AFAP1L2: variants seen among roughly 807,000 people sequenced by gnomAD.
AFAP1L2 encodes the protein actin filament associated protein 1 like 2, also known as actin filament-associated protein 1-like 2.
AFAP1L2 carries 46 observed loss-of-function variants against 99.3 expected under a neutral mutation model. The observed-to-expected ratio is 0.46, with a 90% CI of 0.37 to 0.59. AFAP1L2 has a LOEUF of 0.59. AFAP1L2 is among the 20% of genes least tolerant of loss of function. The pLI, the probability that AFAP1L2 is intolerant of heterozygous loss-of-function variation, is 0.00. For missense variants in AFAP1L2, 959 were observed against 1,034.9 expected (o/e 0.93, Z 1.01); for synonymous variants, 397 against 419.1 (o/e 0.95, Z 0.64).
chr10:114,340,874 T>C lies in AFAP1L2; in HGVS notation c.17-143A>G, dbSNP rs1359701447. 4 of 1,134,404 alleles carry C rather than the reference T, an allele frequency of 3.5e-6. No homozygotes were observed. The African/African-American group carries it at 4.6e-5, about 13-fold the overall frequency. 70.3% of individuals were successfully genotyped at this position (1,134,404 alleles called of 1,614,324 possible). ...GTTTGGTGTGAGGTCTGGCAGCGTA[T>C]GGGGGGACTGGGCAGAAGATGGGAT... On this transcript the variant is annotated intron_variant, in intron 1 of 18. Coordinates refer to ENST00000304129, the MANE Select transcript of AFAP1L2 (RefSeq NM_001001936.3).
intron 1 of AFAP1L2, among the ~76,000 whole-genome samples, chr10:114,397,815 C>T (rs145613453): frequency 4.9e-4 from 74 of 152,286 alleles, no homozygotes; most frequent in African/African-American, 1.6e-3. Flanking sequence ...TTGCAGTGTG[C>T]TGGGGCTGAG....
chr10:114,324,403 C>A (rs11196701), intron 4 of AFAP1L2, among the ~76,000 whole-genome samples: 3 of 146,234 alleles, frequency 2.1e-5, no homozygotes, highest in African/African-American at 5.2e-5. Flanking sequence ...ACCACCCCCC[C>A]CCCCCCCCCG....
intron 1 of AFAP1L2, among the ~76,000 whole-genome samples, chr10:114,347,453 A>AT (rs1333511687): frequency 2.6e-5 from 4 of 151,990 alleles, no homozygotes; most frequent in Non-Finnish European, 5.9e-5. Flanking sequence ...AGAAAGTGGG[A>AT]TTTTTTTCTT....
chr10:114,289,882 CCTT>C (rs1307478032), downstream of AFAP1L2: 12 of 332,898 alleles, frequency 3.6e-5, no homozygotes, highest in Non-Finnish European at 6.8e-5. Flanking sequence ...CTCCTCTTCA[CCTT>C]CTTAAAAGAG....
In AFAP1L2 at chr10:114,320,532, C is replaced by G. The variant is rs796613821; in HGVS notation, c.406+2639G>C. 1.2e-4 allele frequency among the ~76,000 whole-genome samples: 19 copies of G among 152,346 alleles called. No individual in the cohort carries two copies. The East Asian group carries it at 1.5e-3, about 12-fold the overall frequency. The stretch of plus-strand genomic sequence containing the variant: ...GCTTCTCCCCAAGTCATCCCCAGGC[C>G]TCTCCTTGGCAGGACAGGCAGGGCT... On this transcript the variant is annotated intron_variant, in intron 5 of 18. Coordinates refer to ENST00000304129, the MANE Select transcript of AFAP1L2 (RefSeq NM_001001936.3).
chr10:114,290,454 T>C (rs1194424908), downstream of AFAP1L2: 12 of 1,509,388 alleles, frequency 8.0e-6, 1 homozygote, highest in East Asian at 3.0e-4. Context: ...AGGCAGGTTC[T>C]AAAACATTCG....
chr10:114,288,680 G>A, the AFAP1L2 span, among the ~76,000 whole-genome samples: 3 of 152,218 alleles, frequency 2.0e-5, no homozygotes, highest in Non-Finnish European at 4.4e-5. Context: ...GATCACGTCC[G>A]TCAGATAGAA....
intron 1 of AFAP1L2, among the ~76,000 whole-genome samples, chr10:114,342,314 G>A (rs1454908660): frequency 6.6e-6 from 1 of 152,152 alleles, no homozygotes; most frequent in East Asian, 1.9e-4. Flanking sequence ...CTAGCTATCC[G>A]CTGTAACACC....
chr10:114,397,365 T>C (rs1409486359), intron 1 of AFAP1L2, among the ~76,000 whole-genome samples: 2 of 152,202 alleles, frequency 1.3e-5, no homozygotes, highest in East Asian at 3.9e-4. Flanking sequence ...CTTTTGAATC[T>C]TGAATAGCAG....
chr10:114,295,827 A>T lies in AFAP1L2; in HGVS notation c.*215T>A. 7.2e-7 allele frequency: 1 copy of T among 1,385,956 alleles called. No homozygotes were observed. Among genetic ancestry groups the T allele is most frequent in the South Asian group, 1.8e-5 (1 of 55,596 alleles). The allele number at this position is 1,385,956 out of a possible 1,614,324, so 85.9% of individuals were successfully genotyped here. The stretch of plus-strand genomic sequence containing the variant: ...CGTCTTGTTTACATCCAATAGACTT[A>T]GGTCTCCAAAGAAGCCTCCTTTTTG... On this transcript the variant is annotated 3_prime_UTR_variant, in exon 19 of 19. Transcript: ENST00000304129.
chr10:114,370,191 T>TTAAA (rs1191016076), intron 1 of AFAP1L2, among the ~76,000 whole-genome samples: 2 of 152,238 alleles, frequency 1.3e-5, no homozygotes, highest in Non-Finnish European at 2.9e-5. Flanking sequence ...TATAGGTTAA[T>TTAAA]TAAATCCACT....
intron 1 of AFAP1L2, among the ~76,000 whole-genome samples, chr10:114,374,306 A>G (rs11196716): frequency 0.2 from 31,058 of 152,124 alleles, 3,795 homozygotes; most frequent in African/African-American, 0.35. Context: ...AGAAAGGGAA[A>G]AAGTGTTTCT....
intron 1 of AFAP1L2, among the ~76,000 whole-genome samples, chr10:114,348,002 C>A (rs1391194460): frequency 6.6e-6 from 1 of 152,084 alleles, no homozygotes; most frequent in Non-Finnish European, 1.5e-5. Context: ...TGCTGGCAAC[C>A]GCAAATCTGC....
At chr10:114,387,792 G>A (rs1375893886) in intron 1 of AFAP1L2, among the ~76,000 whole-genome samples, 1 of 152,160 alleles carries the variant, frequency 6.6e-6, no homozygotes, top group African/African-American at 2.4e-5. Flanking sequence ...TCTGAACAGT[G>A]GGGGATGAAG....
intron 1 of AFAP1L2, among the ~76,000 whole-genome samples, chr10:114,403,866 G>T (rs1001379131): frequency 9.9e-5 from 15 of 152,214 alleles, no homozygotes; most frequent in African/African-American, 3.6e-4. Context: ...TCCTTTCTTG[G>T]TGTGGGGGAG....
rs555207463 is a variant in AFAP1L2, at chr10:114,346,325, C to T, written c.17-5594G>A. On this transcript the variant is annotated intron_variant, in intron 1 of 18. Coordinates refer to ENST00000304129, the MANE Select transcript of AFAP1L2 (RefSeq NM_001001936.3). Reference sequence around the variant, plus strand: ...ACTGTCAAAACCAGTTGCGCATAGTCGTCTGGGTGTGTGTCTATCTCCAGG... The same window carrying T: ...ACTGTCAAAACCAGTTGCGCATAGTTGTCTGGGTGTGTGTCTATCTCCAGG... 1.3e-4 allele frequency among the ~76,000 whole-genome samples: 20 copies of T among 152,282 alleles called. 1 individual carries two copies. The highest frequency in any genetic ancestry group is 4.1e-4 in the African/African-American group (17 of 41,554).
chr10:114,318,739 T>TA (rs1354030131), intron 5 of AFAP1L2, among the ~76,000 whole-genome samples: 2 of 91,044 alleles, frequency 2.2e-5, no homozygotes, highest in African/African-American at 3.5e-5. Flanking sequence ...AGACTCTGTC[T>TA]AAAAAAAAGA....
chr10:114,332,900 C>G (rs149114877), intron 3 of AFAP1L2, among the ~76,000 whole-genome samples: 2 of 152,204 alleles, frequency 1.3e-5, no homozygotes, highest in Non-Finnish European at 2.9e-5. Flanking sequence ...AAGGCAGAAC[C>G]GTGGGATCAG....
chr10:114,285,519 A>G, the AFAP1L2 span, among the ~76,000 whole-genome samples: 8 of 152,352 alleles, frequency 5.3e-5, no homozygotes, highest in South Asian at 2.1e-4. Context: ...TATGAAAACA[A>G]TCTTGACCCT....
Sources: allele counts gnomAD v4.1 joint callset (sites outside exome capture counted in the v4.1 genomes callset), GRCh38; gene constraint gnomAD v4.1.1; transcripts MANE v1.5; gene names NCBI Gene and HGNC (gene_info 2026-07-23, HGNC 2026-07-21).